Variants in ARMH3 observed in about 807,000 individuals in gnomAD.
ARMH3 encodes the protein armadillo like helical domain containing 3, also known as armadillo-like helical domain-containing protein 3.
A neutral mutation model predicts 99.1 loss-of-function variants in ARMH3; 60 were observed. The observed-to-expected ratio is 0.61, with a 90% CI of 0.49 to 0.75. ARMH3 has a LOEUF of 0.75. Among genes scored for constraint, ARMH3 ranks in the 30% least tolerant of loss-of-function variants. The probability of loss-of-function intolerance (pLI) is 0.00; values close to 1 mark genes in which losing one functional copy is unlikely to be tolerated. For missense variants in ARMH3, 679 were observed against 843.1 expected, an observed-to-expected ratio of 0.81 and a Z score of 2.41; for synonymous variants, 285 against 292.8, an observed-to-expected ratio of 0.97 and a Z score of 0.27.
intron 1 of ARMH3, among the ~76,000 whole-genome samples, chr10:102,045,147 A>G (rs917011627): frequency 4.0e-5 from 6 of 151,890 alleles, no homozygotes; most frequent in Admixed American, 2.0e-4. Flanking sequence ...AAAAAAAAAA[A>G]AAGAGCGAAA....
Position 101,948,566 on chromosome 10 carries a change from A to G in ARMH3, c.1705+8031T>C, listed in dbSNP as rs149099203. Among the ~76,000 whole-genome samples the G allele has an allele frequency of 2.3e-3, 351 of 152,362 alleles. 1 individual carries two copies. The highest frequency in any genetic ancestry group is 7.6e-3 in the Admixed American group (116 of 15,302). On this transcript the variant is annotated intron_variant, in intron 22 of 25. Coordinates refer to ENST00000370033, the MANE Select transcript of ARMH3 (RefSeq NM_024541.3). ...ATTTGCCAAGATATAATAATCCTAA[A>G]TGTGTATCTATCTAACAGCAGAGCT...
At chr10:101,922,958 G>A (rs1157735873) in intron 23 of ARMH3, among the ~76,000 whole-genome samples, 2 of 152,070 alleles carry the variant, frequency 1.3e-5, no homozygotes, top group Non-Finnish European at 2.9e-5. Flanking sequence ...TCGGTACACT[G>A]GGTAGTGAAA....
At chr10:102,043,617 C>A (rs564531783) in intron 1 of ARMH3, among the ~76,000 whole-genome samples, 9 of 152,300 alleles carry the variant, frequency 5.9e-5, no homozygotes, top group Admixed American at 2.0e-4. Context: ...TATGCTATGA[C>A]CCCTGTTGAT....
At chr10:101,885,401 A>G (rs150041723) in intron 24 of ARMH3, among the ~76,000 whole-genome samples, 3 of 152,376 alleles carry the variant, frequency 2.0e-5, no homozygotes, top group African/African-American at 7.2e-5. Flanking sequence ...CCACCAATGG[A>G]TGAATAAACA....
intron 24 of ARMH3, among the ~76,000 whole-genome samples, chr10:101,858,761 C>T (rs2066791526): frequency 6.6e-6 from 1 of 152,106 alleles, no homozygotes; most frequent in African/African-American, 2.4e-5. Flanking sequence ...AAACAACATG[C>T]CATTACGACT....
At chr10:101,908,741 G>A (rs1842741428) in intron 23 of ARMH3, among the ~76,000 whole-genome samples, 1 of 148,980 alleles carries the variant, frequency 6.7e-6, no homozygotes. Context: ...TCAGCTCACT[G>A]CAAGCTCCGC....
At chr10:101,940,406 G>A (rs546125106) in intron 22 of ARMH3, among the ~76,000 whole-genome samples, 3 of 151,914 alleles carry the variant, frequency 2.0e-5, no homozygotes, top group East Asian at 1.9e-4. Flanking sequence ...CAGTCAAACA[G>A]GACACATCCA....
chr10:102,009,997 G>A lies in ARMH3; in HGVS notation c.858C>T (p.Ala286=). The change falls in exon 12 of 26, where the codon GCC becomes GCT. Residue 286 remains alanine, a synonymous_variant. Coordinates refer to ENST00000370033, the MANE Select transcript of ARMH3 (RefSeq NM_024541.3). ...CTTACTGTACTGAGATTTTCTCATG[G>A]GCATCTGCTATGAACATGCTGCCCA... ...NMVGSMFIAD[A]HEKISVQTNE... is the part of the protein sequence containing the mutation. The A allele has an allele frequency of 1.2e-6, 2 of 1,613,946 alleles. No homozygotes were observed. Among genetic ancestry groups the A allele is most frequent in the South Asian group, 1.1e-5 (1 of 91,048 alleles).
At chr10:102,040,308 T>C (rs981637184) in intron 1 of ARMH3, among the ~76,000 whole-genome samples, 183 bp from the exon 2 acceptor site, 9 of 152,158 alleles carry the variant, frequency 5.9e-5, no homozygotes, top group African/African-American at 1.4e-4. Context: ...TTATAACAAA[T>C]GCCACTCTAG....
chr10:102,019,656 G>A (rs543350434), intron 8 of ARMH3, among the ~76,000 whole-genome samples: 40 of 152,228 alleles, frequency 2.6e-4, no homozygotes, highest in African/African-American at 7.0e-4. Flanking sequence ...GGCCGGGCGC[G>A]GTGGCTCACG....
intron 8 of ARMH3, among the ~76,000 whole-genome samples, chr10:102,020,891 C>T (rs908866083): frequency 8.6e-5 from 13 of 151,224 alleles, no homozygotes; most frequent in Admixed American, 7.9e-4. Context: ...ACAGTAATGT[C>T]CTAGGCCTTC....
rs150542470 is a variant in ARMH3, at chr10:102,025,004, G to A, written c.507+152C>T. The A allele has an allele frequency of 1.5e-4, 98 of 645,458 alleles. No individual in the cohort carries two copies. The East Asian group carries it at 2.6e-3, about 17-fold the overall frequency. The allele number at this position is 645,458 out of a possible 1,614,324, so 40.0% of individuals were successfully genotyped here. A position where few individuals can be genotyped will look rare whatever the true frequency, so the allele number is the denominator to read the frequency against. On this transcript the variant is annotated intron_variant, in intron 6 of 25. Transcript: ENST00000370033. ...CAAAGAGGAAGCAAAAGACCATGCAGCTAACTTCCTATACATCCAGACACG... is the reference window on the plus strand; with the variant it reads ...CAAAGAGGAAGCAAAAGACCATGCAACTAACTTCCTATACATCCAGACACG...
At chr10:101,861,877 C>CA (rs36095929) in intron 24 of ARMH3, among the ~76,000 whole-genome samples, 4,163 of 93,928 alleles carry the variant, frequency 0.044, 104 homozygotes, top group Non-Finnish European at 0.062. Context: ...CTAAAAATAC[C>CA]AAAAAAAAAA....
chr10:101,985,099 AC>A, intron 19 of ARMH3, among the ~76,000 whole-genome samples: 1 of 130,496 alleles, frequency 7.7e-6, no homozygotes, highest in Non-Finnish European at 1.8e-5. Flanking sequence ...ACACACACAC[AC>A]ACACACACAC....
intron 24 of ARMH3, among the ~76,000 whole-genome samples, chr10:101,874,940 G>A (rs1045556996): frequency 3.9e-5 from 6 of 152,172 alleles, no homozygotes; most frequent in Admixed American, 2.0e-4. Flanking sequence ...CACAGGCAAA[G>A]GTCTAAAATG....
At chr10:101,963,441 T>C (rs1055119704) in intron 20 of ARMH3, among the ~76,000 whole-genome samples, 1 of 152,108 alleles carries the variant, frequency 6.6e-6, no homozygotes, top group Non-Finnish European at 1.5e-5. Context: ...CCAGCCATTT[T>C]TGTATTTTTA....
chr10:101,976,536 A>C (rs945197842), intron 19 of ARMH3, among the ~76,000 whole-genome samples: 2 of 152,054 alleles, frequency 1.3e-5, no homozygotes, highest in Non-Finnish European at 2.9e-5. Flanking sequence ...CTTTCCCTTG[A>C]GTACCTTTCC....
At chr10:101,951,892 A>G (rs747867338) in intron 22 of ARMH3, among the ~76,000 whole-genome samples, 82 of 142,614 alleles carry the variant, frequency 5.7e-4, no homozygotes, top group Non-Finnish European at 6.6e-4. Context: ...GAAGAAGAAG[A>G]AAGGAAGGAA....
At position 101,976,319 on chromosome 10, in the gene ARMH3, G is replaced by A. The variant is rs370456200; in HGVS notation, c.1407-1019C>T. On this transcript the variant is annotated intron_variant, in intron 19 of 25. Transcript: ENST00000370033. ...CGGGCCACTGTACTCCAGCCTGAGC[G>A]AAAGGGCAAGACTGTCTCAAAAAAA... 1.3e-4 allele frequency among the ~76,000 whole-genome samples: 20 copies of A among 149,234 alleles called. No individual in the cohort carries two copies. In the East Asian group the frequency reaches 2.6e-3, roughly 19 times the overall value.
Sources: gnomAD v4.1 joint callset for allele counts (sites outside exome capture counted in the v4.1 genomes callset) on GRCh38, gnomAD v4.1.1 for gene constraint, MANE v1.5 for transcripts, NCBI Gene and HGNC (gene_info 2026-07-23, HGNC 2026-07-21) for gene names.